Variants in VCF2 observed in about 807,000 individuals in gnomAD.
VCF2 encodes the protein protein VCF2.
chrX:55,155,939 T>C, the VCF2 span, among the ~76,000 whole-genome samples: 10 of 92,852 alleles, frequency 1.1e-4, no homozygotes, highest in Admixed American at 3.6e-4. Context: ...TTTCTTCTTC[T>C]TCTTTTTTTT....
chrX:55,145,850 C>G, the VCF2 span: 9 of 909,935 alleles, frequency 9.9e-6, no homozygotes, highest in Non-Finnish European at 1.2e-5. Flanking sequence ...GAAATTGACA[C>G]TCAACTTGAA....
At chrX:55,161,150 C>G in the VCF2 span, 1 of 1,207,757 alleles carries the variant, frequency 8.3e-7, no homozygotes, top group Non-Finnish European at 1.1e-6. Flanking sequence ...ACAGGGCAGC[C>G]TCCCATAGTC....
chrX:55,151,395 C>G, the VCF2 span, among the ~76,000 whole-genome samples: 1 of 112,253 alleles, frequency 8.9e-6, no homozygotes, highest in Non-Finnish European at 1.9e-5. Context: ...CCAAGGAGTC[C>G]CAGATTATCT....
At chrX:55,149,958 A>T in the VCF2 span, among the ~76,000 whole-genome samples, 1 of 111,843 alleles carries the variant, frequency 8.9e-6, no homozygotes, top group African/African-American at 3.2e-5. Context: ...ATGACTTTTG[A>T]TCCTATTTTG....
the VCF2 span, among the ~76,000 whole-genome samples, chrX:55,160,377 T>G: frequency 8.9e-6 from 1 of 112,621 alleles, no homozygotes. Context: ...TACAATACGT[T>G]TGCATTGTTT....
the VCF2 span, chrX:55,160,920 C>A: frequency 6.9e-6 from 8 of 1,160,607 alleles, no homozygotes; most frequent in Non-Finnish European, 5.7e-6. Context: ...TTTTTTCAAG[C>A]ACGAAGGGCG....
the VCF2 span, among the ~76,000 whole-genome samples, chrX:55,154,207 T>C: frequency 1.8e-5 from 2 of 111,623 alleles, no homozygotes. Flanking sequence ...ACTGTGGCCT[T>C]GAACTCCTGG....
the VCF2 span, chrX:55,146,240 G>C: frequency 1.7e-6 from 2 of 1,209,626 alleles, no homozygotes; most frequent in Non-Finnish European, 2.2e-6. Context: ...GGTTTAAGTT[G>C]CCTTCTGGTC....
chrX:55,148,726 C>G, the VCF2 span, among the ~76,000 whole-genome samples: 1 of 109,535 alleles, frequency 9.1e-6, no homozygotes, highest in Non-Finnish European at 1.9e-5. Flanking sequence ...AAAACATACA[C>G]TAAAGAATCA....
At chrX:55,160,853 T>C in the VCF2 span, 6 of 1,154,188 alleles carry the variant, frequency 5.2e-6, no homozygotes, top group South Asian at 1.9e-5. Context: ...CCAGGGCTTG[T>C]AAGGCACTGA....
chrX:55,151,106 G>A, the VCF2 span, among the ~76,000 whole-genome samples: 1 of 112,197 alleles, frequency 8.9e-6, no homozygotes, highest in East Asian at 2.8e-4. Flanking sequence ...TCCAGAATTT[G>A]AAAACTATTT....
the VCF2 span, chrX:55,145,549 C>T: frequency 8.1e-5 from 61 of 753,845 alleles, no homozygotes; most frequent in African/African-American, 1.3e-3. Context: ...AACAGAACAT[C>T]TACCTTCTGA....
At chrX:55,160,946 A>G in the VCF2 span, 1 of 1,164,559 alleles carries the variant, frequency 8.6e-7, no homozygotes. Flanking sequence ...CGAGGCAAGC[A>G]GGGCCGCGCC....
At chrX:55,146,545 C>G in the VCF2 span, among the ~76,000 whole-genome samples, 1 of 112,143 alleles carries the variant, frequency 8.9e-6, no homozygotes, top group Non-Finnish European at 1.9e-5. Flanking sequence ...AGTCATATAT[C>G]TACGAAGTGG....
At chrX:55,160,988 G>A in the VCF2 span, 139,306 of 1,164,893 alleles carry the variant, frequency 0.12, 6,396 homozygotes, top group Non-Finnish European at 0.14. Flanking sequence ...CAGGTCATGA[G>A]AGCCGAGCGC....
At chrX:55,161,031 C>T in the VCF2 span, 3 of 1,174,353 alleles carry the variant, frequency 2.6e-6, no homozygotes, top group Non-Finnish European at 3.4e-6. Context: ...ATATCCGCTG[C>T]GTTTCCGCCC....
chrX:55,155,863 T>G, the VCF2 span, among the ~76,000 whole-genome samples: 3 of 110,907 alleles, frequency 2.7e-5, no homozygotes, highest in South Asian at 7.6e-4. Context: ...AATTCATGCA[T>G]GTATTCATGA....
At chrX:55,159,080 T>G in the VCF2 span, 1 of 975,601 alleles carries the variant, frequency 1.0e-6, no homozygotes, top group East Asian at 3.2e-5. Flanking sequence ...ATTGGATAAT[T>G]TAGTGTAGGC....
the VCF2 span, among the ~76,000 whole-genome samples, chrX:55,155,482 A>G: frequency 8.9e-6 from 1 of 111,985 alleles, no homozygotes; most frequent in African/African-American, 3.2e-5. Context: ...GAAATGACAG[A>G]GACACTAAGT....
Sources: allele counts gnomAD v4.1 joint callset (sites outside exome capture counted in the v4.1 genomes callset), GRCh38; gene constraint gnomAD v4.1.1; transcripts MANE v1.5; gene names NCBI Gene and HGNC (gene_info 2026-07-23, HGNC 2026-07-21).